Variants in TP53I13 observed in about 807,000 individuals in gnomAD.
The protein encoded by TP53I13 is tumor protein p53-inducible protein 13.
TP53I13 carries 27 observed loss-of-function variants against 39.1 expected under a neutral mutation model. The ratio of observed to expected loss-of-function variants is 0.69; its 90% CI spans 0.51 to 0.95. The LOEUF (loss-of-function observed/expected upper bound fraction) is 0.95, where lower values mean the gene tolerates loss of function less well. Ranked by LOEUF, TP53I13 falls within the 40% of genes least tolerant of loss-of-function variation. The pLI, the probability that TP53I13 is intolerant of heterozygous loss-of-function variation, is 0.00. For missense variants in TP53I13, 544 were observed against 520.4 expected, an observed-to-expected ratio of 1.05 and a Z score of -0.44; for synonymous variants, 230 against 224.6, an observed-to-expected ratio of 1.02 and a Z score of -0.22.
downstream of TP53I13, chr17:29,576,508 G>A (rs879203802): frequency 1.2e-6 from 2 of 1,613,604 alleles, no homozygotes; most frequent in African/African-American, 2.7e-5. Context: ...CTCCCACCGA[G>A]GCTGCACCCT....
downstream of TP53I13, among the ~76,000 whole-genome samples, chr17:29,577,419 T>C (rs2033249442): frequency 1.3e-5 from 2 of 152,090 alleles, no homozygotes; most frequent in African/African-American, 4.8e-5. Context: ...TGGCAGGGTA[T>C]GATAGAGTAG....
At chr17:29,566,818 G>A (rs1483861835), upstream of TP53I13, 11 of 1,516,004 alleles carry the variant, frequency 7.3e-6, no homozygotes, top group East Asian at 2.9e-4. Flanking sequence ...TCCGCCGTCC[G>A]CCTCCTCCCC....
downstream of TP53I13, chr17:29,574,413 G>A (rs1443820451): frequency 2.2e-6 from 1 of 446,614 alleles, no homozygotes; most frequent in South Asian, 2.6e-5. Context: ...TAGAAGGCGA[G>A]GGGCTGGGAG....
In TP53I13 at chr17:29,572,177, GC is replaced by G; in HGVS notation, c.554del (p.Pro185LeufsTer5). ...TGGCCTTTGCTCTGCGGAGCTGGCG[GC>G]CCCCTGGCACAGAGGTGACATCTCA... ...ALAFALRSWR[P>X]PGTEVTSQGP... On this transcript the variant is annotated frameshift_variant, in exon 6 of 7. Transcript: ENST00000301057. LOFTEE classifies it high-confidence loss of function. 1 of 1,608,124 alleles carries G rather than the reference GC, an allele frequency of 6.2e-7. No homozygotes were observed. Among genetic ancestry groups the G allele is most frequent in the Non-Finnish European group, 8.5e-7 (1 of 1,176,996 alleles).
In TP53I13 at chr17:29,568,717, G is replaced by A. The variant is rs1254120714; in HGVS notation, c.-42G>A. ...GCGGGGCGCGCGCGCTCCCTCGCTG[G>A]CGGAGCGGCTGGGCGGCGGGCCGGG... On this transcript the variant is annotated 5_prime_UTR_variant, in exon 1 of 7. Transcript: ENST00000301057. This position sits in a 1 kb window ranked among gnomAD's most constrained non-coding sequence, Gnocchi z 4.5. 2.2e-6 allele frequency: 3 copies of A among 1,345,814 alleles called. No individual in the cohort carries two copies. Among genetic ancestry groups the A allele is most frequent in the African/African-American group, 3.1e-5 (2 of 64,584 alleles). The allele number at this position is 1,345,814 out of a possible 1,614,324, so 83.4% of individuals were successfully genotyped here.
Position 29,572,893 on chromosome 17 carries a change from A to C in TP53I13, c.1151A>C (p.Asp384Ala), listed in dbSNP as rs1206385016. Residue 384 changes from aspartate (D) to alanine (A), a missense_variant, in exon 7 of 7, where the codon GAC becomes GCC. Asp to Ala is a moderately radical substitution (Grantham distance 126, BLOSUM62 -2). Coordinates refer to ENST00000301057, the MANE Select transcript of TP53I13 (RefSeq NM_138349.4). ...RRRPLLPPTP[D>A]SGPEGESSE ...AGACCCCTCCTCCCGCCCACGCCGGACAGCGGCCCGGAAGGCGAGAGCTCG... is the reference window on the plus strand; with the variant it reads ...AGACCCCTCCTCCCGCCCACGCCGGCCAGCGGCCCGGAAGGCGAGAGCTCG... 1.3e-6 allele frequency: 2 copies of C among 1,512,878 alleles called. No homozygotes were observed. The highest frequency in any genetic ancestry group is 1.8e-6 in the Non-Finnish European group (2 of 1,138,018). The allele number at this position is 1,512,878 out of a possible 1,614,324, so 93.7% of individuals were successfully genotyped here.
Position 29,572,809 on chromosome 17 carries a change from C to T in TP53I13, c.1070-3C>T, listed in dbSNP as rs1321994391. 1.3e-6 allele frequency: 2 copies of T among 1,534,676 alleles called. No homozygotes were observed. The highest frequency in any genetic ancestry group is 2.3e-4 in the Middle Eastern group (1 of 4,418). ...CCTTGACTGCTCGGCGCCCGGCCCA[C>T]AGCTGTGCTGAAGCGGAGGCTGCTG... On this transcript the variant is annotated splice_polypyrimidine_tract_variant and splice_region_variant and intron_variant, in intron 6 of 6. Transcript: ENST00000301057.
At chr17:29,572,740 C>G in intron 6 of TP53I13, 43 bp downstream of exon 6, 1 of 1,492,412 alleles carries the variant, frequency 6.7e-7, no homozygotes, top group Non-Finnish European at 8.9e-7. Context: ...CCCCGCCCCA[C>G]CTCGCGTCGC....
At chr17:29,574,895 A>G, downstream of TP53I13, 3 of 1,570,008 alleles carry the variant, frequency 1.9e-6, no homozygotes, top group African/African-American at 1.4e-5. Flanking sequence ...TGAGCTCCGC[A>G]CTGGCTCCAG....
downstream of TP53I13, chr17:29,574,977 A>AGTTTGTC (rs1328912990): frequency 6.7e-7 from 1 of 1,493,848 alleles, no homozygotes; most frequent in Non-Finnish European, 9.1e-7. Context: ...ATCAGGGCCC[A>AGTTTGTC]GTTTGTCTGT....
At chr17:29,569,289 C>T (rs77532430) in intron 2 of TP53I13, 29 bp from the exon 3 acceptor site, 100,864 of 1,611,942 alleles carry the variant, frequency 0.063, 3,530 homozygotes, top group Non-Finnish European at 0.071. Context: ...CCCCAACTGC[C>T]CTAAGCTCTG....
At chr17:29,580,176 C>T in the TP53I13 span, among the ~76,000 whole-genome samples, 3 of 152,228 alleles carry the variant, frequency 2.0e-5, no homozygotes, top group East Asian at 5.8e-4. Context: ...TCTCAGCTGC[C>T]TCTGTGCTCC....
the TP53I13 span, chr17:29,578,699 C>G: frequency 3.1e-6 from 5 of 1,597,148 alleles, no homozygotes; most frequent in Non-Finnish European, 4.3e-6. Flanking sequence ...GGGCCAGCTT[C>G]AAGTGTCAGG....
chr17:29,572,395 CG>C lies in TP53I13; in HGVS notation c.772del (p.Ala258ArgfsTer60). 1.3e-6 allele frequency: 2 copies of C among 1,595,580 alleles called. No homozygotes were observed. The highest frequency in any genetic ancestry group is 1.7e-6 in the Non-Finnish European group (2 of 1,167,130). On this transcript the variant is annotated frameshift_variant, in exon 6 of 7. Transcript: ENST00000301057. LOFTEE classifies it high-confidence loss of function. ...TCTGTGCCCACTGTCTCCCTGCTGC[CG>C]GGGGCGCCTGGAGGCAATGCCAGCT... ...APSVPTVSLLPGAPGGNASSR... is the reference protein window; with the variant it reads ...APSVPTVSLLXGAPGGNASSR...
chr17:29,568,682 G>A (rs1332246949), upstream of TP53I13: 7 of 1,004,974 alleles, frequency 7.0e-6, no homozygotes, highest in Non-Finnish European at 8.4e-6. The surrounding 1 kb of genome is among the most constrained non-coding windows in gnomAD (Gnocchi z 4.5). Context: ...GGGGCGCTGG[G>A]GCTGGAGGGG....
Position 29,573,082 on chromosome 17 carries a change from C to T in TP53I13, c.*158C>T. On this transcript the variant is annotated 3_prime_UTR_variant, in exon 7 of 7. Transcript: ENST00000301057. Reference sequence around the variant, plus strand: ...TCCTCCTTGTTGGTTGCTGAGTGGGCGGCCAAGGGGAGAAAAGGAGCCGCT... The same window carrying T: ...TCCTCCTTGTTGGTTGCTGAGTGGGTGGCCAAGGGGAGAAAAGGAGCCGCT... 1.9e-6 allele frequency: 1 copy of T among 538,964 alleles called. No individual in the cohort carries two copies. The highest frequency in any genetic ancestry group is 2.9e-6 in the Non-Finnish European group (1 of 338,992). The allele number at this position is 538,964 out of a possible 1,614,324, so 33.4% of individuals were successfully genotyped here.
At chr17:29,577,070 G>A, downstream of TP53I13, 2 of 1,605,708 alleles carry the variant, frequency 1.2e-6, no homozygotes, top group South Asian at 1.1e-5. Context: ...CTGGCAGGGA[G>A]AGCCATGCAG....
At chr17:29,571,061 A>G (rs1020819760) in intron 3 of TP53I13, 3 of 153,692 alleles carry the variant, frequency 2.0e-5, no homozygotes, top group African/African-American at 7.2e-5. Flanking sequence ...ACTCCTTGCA[A>G]GCAGAGTCCA....
rs766409586 is a variant in TP53I13 at position 29,569,129 on chromosome 17, C to G, written c.141+43C>G. On this transcript the variant is annotated intron_variant, in intron 2 of 6. Transcript: ENST00000301057. ...CCCAGGGAGAGAGGGATGTGAAAGG[C>G]TAGCCCAGTCCCGCTCTGTTCTCGC... 3 of 1,553,504 alleles carry G rather than the reference C, an allele frequency of 1.9e-6. No individual in the cohort carries two copies. In the Admixed American group the frequency reaches 5.7e-5, roughly 30 times the overall value.
Sources: gnomAD v4.1 joint callset for allele counts (sites outside exome capture counted in the v4.1 genomes callset) on GRCh38, gnomAD v4.1.1 for gene constraint, Gnocchi (gnomAD v3.1) non-coding constraint, MANE v1.5 for transcripts, NCBI Gene and HGNC (gene_info 2026-07-23, HGNC 2026-07-21) for gene names.